The following PREX2 variants were observed in gnomAD, a reference collection of about 807,000 sequenced individuals.
PREX2 encodes phosphatidylinositol-3,4,5-trisphosphate dependent Rac exchange factor 2, also known as phosphatidylinositol 3,4,5-trisphosphate-dependent Rac exchanger 2 protein.
A neutral mutation model predicts 203.2 loss-of-function variants in PREX2; 107 were observed. That is an observed-to-expected ratio of 0.53 (90% CI 0.45 to 0.62). The LOEUF (loss-of-function observed/expected upper bound fraction) is 0.62. Ranked by LOEUF, PREX2 falls within the 20% of genes least tolerant of loss-of-function variation. The pLI, the probability that PREX2 is intolerant of heterozygous loss-of-function variation, is 0.00. For synonymous variants in PREX2, 672 were observed against 663.6 expected (o/e 1.01, Z -0.19); for missense variants, 1,777 against 1,955.9 (o/e 0.91, Z 1.72).
intron 23 of PREX2, among the ~76,000 whole-genome samples, chr8:68,107,893 C>A (rs999755676): frequency 6.6e-6 from 1 of 152,202 alleles, no homozygotes; most frequent in African/African-American, 2.4e-5. Flanking sequence ...TCAAAGGAAT[C>A]ATATGCATTT....
chr8:68,022,338 C>T (rs1256489556), intron 4 of PREX2, among the ~76,000 whole-genome samples, 198 bp downstream of exon 4: 2 of 151,988 alleles, frequency 1.3e-5, no homozygotes, highest in East Asian at 3.9e-4. Context: ...CTGCTAATGC[C>T]CCCTCGTGGT....
intron 1 of PREX2, among the ~76,000 whole-genome samples, chr8:68,008,192 A>C (rs1042109794): frequency 9.9e-5 from 15 of 152,152 alleles, no homozygotes; most frequent in African/African-American, 3.1e-4. Flanking sequence ...TTCCCCACTG[A>C]TTTGAAGTGC....
intron 37 of PREX2, among the ~76,000 whole-genome samples, chr8:68,208,463 G>C (rs188721092): frequency 6.6e-6 from 1 of 151,954 alleles, no homozygotes; most frequent in African/African-American, 2.4e-5. Context: ...AAAAATCATG[G>C]TACAGAAATT....
At chr8:68,012,441 C>CA (rs1427326112) in intron 1 of PREX2, among the ~76,000 whole-genome samples, 1 of 152,082 alleles carries the variant, frequency 6.6e-6, no homozygotes, top group Non-Finnish European at 1.5e-5. Context: ...ATAACTGACA[C>CA]AAAAAATCCT....
At chr8:68,076,522 G>T (rs967659920) in intron 14 of PREX2, among the ~76,000 whole-genome samples, 2 of 151,942 alleles carry the variant, frequency 1.3e-5, no homozygotes, top group Non-Finnish European at 2.9e-5. Context: ...GAAGGGAGAA[G>T]AAGAAACACC....
chr8:68,224,531 G>T, intron 38 of PREX2, 28 bp from the exon 39 acceptor site: 1 of 1,578,254 alleles, frequency 6.3e-7, no homozygotes, highest in Non-Finnish European at 8.7e-7. Context: ...CACACTGTAG[G>T]GATAAAAGTG....
chr8:68,060,677 A>G lies in PREX2; in HGVS notation c.1239-2A>G. 3 of 1,608,068 alleles carry G rather than the reference A, an allele frequency of 1.9e-6. No individual in the cohort carries two copies. Among genetic ancestry groups the G allele is most frequent in the Non-Finnish European group, 2.5e-6 (3 of 1,177,222 alleles). ...AGCTTTTTCACTGACTTTCTCTTGC[A>G]GCGAATTTGTGTCATGGCTGTTGGA... On this transcript the variant is annotated splice_acceptor_variant, in intron 10 of 39. Transcript: ENST00000288368. LOFTEE classifies it high-confidence loss of function.
At chr8:68,144,457 T>C (rs1321955788) in intron 33 of PREX2, among the ~76,000 whole-genome samples, 1 of 152,188 alleles carries the variant, frequency 6.6e-6, no homozygotes, top group Non-Finnish European at 1.5e-5. Context: ...CTAATATAAA[T>C]GGTATTATGT....
At chr8:68,139,519 G>C (rs1012253882) in intron 33 of PREX2, among the ~76,000 whole-genome samples, 2 of 152,236 alleles carry the variant, frequency 1.3e-5, no homozygotes, top group South Asian at 2.1e-4. Flanking sequence ...CCATGACATT[G>C]AACTGATGAA....
rs1272805902 is a variant in PREX2 at position 68,070,958 on chromosome 8, G to C, written c.1493+1074G>C. ...AAAAGAATAAATATTTGTTGACTCTGCCATAATTCTTTCACAGATACCCAT... is the reference window on the plus strand; with the variant it reads ...AAAAGAATAAATATTTGTTGACTCTCCCATAATTCTTTCACAGATACCCAT... On this transcript the variant is annotated intron_variant, in intron 13 of 39. Transcript: ENST00000288368. Among the ~76,000 whole-genome samples, 3 of 152,222 alleles carry C rather than the reference G, an allele frequency of 2.0e-5. No individual in the cohort carries two copies. In the East Asian group the frequency reaches 5.8e-4, roughly 29 times the overall value.
At chr8:68,081,706 C>T (rs762623591) in intron 17 of PREX2, among the ~76,000 whole-genome samples, 1 of 152,038 alleles carries the variant, frequency 6.6e-6, no homozygotes, top group Non-Finnish European at 1.5e-5. Context: ...ACTTCATCAG[C>T]CTTTTTGAGA....
At chr8:68,033,821 A>G (rs1807953400) in intron 6 of PREX2, among the ~76,000 whole-genome samples, 1 of 152,140 alleles carries the variant, frequency 6.6e-6, no homozygotes, top group Non-Finnish European at 1.5e-5. Context: ...CGTTATAATC[A>G]CATACAATGA....
intron 1 of PREX2, chr8:67,952,795 A>G: frequency 1.7e-6 from 1 of 574,672 alleles, no homozygotes; most frequent in Non-Finnish European, 3.1e-6. Context: ...TAGAGAAGAG[A>G]GCTCCAGTCC....
intron 1 of PREX2, among the ~76,000 whole-genome samples, chr8:67,958,489 AG>A (rs1371609223): frequency 6.6e-6 from 1 of 152,230 alleles, no homozygotes; most frequent in Non-Finnish European, 1.5e-5. Context: ...TAAAAATAGT[AG>A]CTATTGCGAT....
At chr8:67,972,052 G>A (rs1469008248) in intron 1 of PREX2, among the ~76,000 whole-genome samples, 2 of 152,226 alleles carry the variant, frequency 1.3e-5, no homozygotes, top group Non-Finnish European at 2.9e-5. Context: ...TGAAGTGCAA[G>A]AAACTGATTT....
Position 68,134,254 on chromosome 8 carries a change from A to G in PREX2, c.3962A>G (p.Gln1321Arg). The G allele has an allele frequency of 6.2e-7, 1 of 1,614,056 alleles. No homozygotes were observed. The highest frequency in any genetic ancestry group is 8.5e-7 in the Non-Finnish European group (1 of 1,179,964). Residue 1321 changes from glutamine to arginine, a missense_variant, in exon 32 of 40, where the codon CAG (glutamine) becomes CGG (arginine). Gln to Arg is a conservative substitution (Grantham distance 43, BLOSUM62 1). Transcript: ENST00000288368. ...AATGCAGGTGTTCTTTTTCACTTTC[A>G]GTCACTTCTGTCACCAAACTTGGTA... ...IANAGVLFHFQSLLSPNLTDE... is the reference protein window; with the variant it reads ...IANAGVLFHFRSLLSPNLTDE...
chr8:68,029,792 A>G (rs1392259516), intron 5 of PREX2, among the ~76,000 whole-genome samples: 1 of 152,108 alleles, frequency 6.6e-6, no homozygotes, highest in Non-Finnish European at 1.5e-5. Flanking sequence ...TGTTTAAGAG[A>G]TTAAGGATTA....
chr8:68,098,416 A>G (rs1251607267), intron 22 of PREX2, among the ~76,000 whole-genome samples: 1 of 152,112 alleles, frequency 6.6e-6, no homozygotes, highest in Non-Finnish European at 1.5e-5. Context: ...TTATATTCTG[A>G]AAGTTAGCTT....
intron 17 of PREX2, 61 bp downstream of exon 17, chr8:68,080,899 TA>T: frequency 1.1e-6 from 1 of 933,474 alleles, no homozygotes; most frequent in East Asian, 2.4e-5. Context: ...AGAGAAATTC[TA>T]AACAAACTGA....
Sources: allele counts gnomAD v4.1 joint callset (sites outside exome capture counted in the v4.1 genomes callset), GRCh38; gene constraint gnomAD v4.1.1; transcripts MANE v1.5; gene names NCBI Gene and HGNC (gene_info 2026-07-23, HGNC 2026-07-21).